The following MTARC2 variants were observed in gnomAD, a reference collection of about 807,000 sequenced individuals.
MTARC2 encodes MOCO sulphurase C-terminal domain containing 2.
In MTARC2, 27 loss-of-function variants were observed where a neutral mutation model predicts 35.6. The observed-to-expected ratio is 0.76, with a 90% CI of 0.56 to 1.04. The LOEUF (loss-of-function observed/expected upper bound fraction) is 1.04, where lower values mean the gene tolerates loss of function less well. MTARC2 is among the 50% of genes least tolerant of loss of function. The pLI, the probability that MTARC2 is intolerant of heterozygous loss-of-function variation, is 0.00. For synonymous variants in MTARC2, 158 were observed against 167.1 expected (o/e 0.95, Z 0.42); for missense variants, 412 against 432.5 (o/e 0.95, Z 0.42).
chr1:220,778,526 C>T (rs1357966583), intron 4 of MTARC2, among the ~76,000 whole-genome samples: 1 of 152,150 alleles, frequency 6.6e-6, no homozygotes, highest in African/African-American at 2.4e-5. Context: ...CATGAAAGAT[C>T]CACCCCCATG....
intron 4 of MTARC2, among the ~76,000 whole-genome samples, chr1:220,771,132 C>T (rs563830600): frequency 2.0e-5 from 3 of 152,222 alleles, no homozygotes; most frequent in East Asian, 1.9e-4. Context: ...AACCCCATCT[C>T]TATTAAAAAT....
chr1:220,753,041 T>C (rs35404077), intron 1 of MTARC2, among the ~76,000 whole-genome samples: 4,989 of 136,336 alleles, frequency 0.037, 133 homozygotes, highest in Middle Eastern at 0.06. Context: ...GGTGAAACCC[T>C]GTCTCTACTA....
chr1:220,755,132 G>T lies in MTARC2; in HGVS notation c.446+12G>T. The T allele has an allele frequency of 1.3e-6, 2 of 1,590,226 alleles. No homozygotes were observed. Among genetic ancestry groups the T allele is most frequent in the Non-Finnish European group, 1.7e-6 (2 of 1,168,968 alleles). On this transcript the variant is annotated intron_variant, in intron 2 of 7. Coordinates refer to ENST00000366913, the MANE Select transcript of MTARC2 (RefSeq NM_017898.5). ...CTCCACAACTGCAGGTGTTCCGCTT[G>T]GGGGCATCCACAGAACTGCAACAGG...
chr1:220,768,377 G>C (rs1464280956), intron 4 of MTARC2, among the ~76,000 whole-genome samples: 2 of 152,190 alleles, frequency 1.3e-5, no homozygotes, highest in African/African-American at 4.8e-5. Context: ...TGTGGGTCAT[G>C]GCTGAAAATG....
At position 220,780,046 on chromosome 1, in the gene MTARC2, G is replaced by A; in HGVS notation, c.779G>A (p.Ser260Asn). ...EDTWDELLIG[S>N]VEVKKVMACP... is the part of the protein sequence containing the mutation. ...ACCTGGGATGAACTCCTAATTGGTA[G>A]TGTAGAAGTGAAAAAGGTAATGGCA... is the stretch of plus-strand genomic sequence containing the variant. Residue 260 changes from serine (S) to asparagine (N), a missense_variant, in exon 5 of 8, where the codon AGT becomes AAT. By Grantham distance (46) the Ser-to-Asn change is conservative. Transcript: ENST00000366913. 6.5e-7 allele frequency: 1 copy of A among 1,546,542 alleles called. No homozygotes were observed. The highest frequency in any genetic ancestry group is 8.6e-7 in the Non-Finnish European group (1 of 1,156,594).
Position 220,762,800 on chromosome 1 carries a change from C to T in MTARC2, c.610-110C>T, listed in dbSNP as rs72472393. 3.3e-4 allele frequency: 377 copies of T among 1,147,566 alleles called. 3 individuals are homozygous for T. The African/African-American group carries it at 5.0e-3, about 15-fold the overall frequency. 71.1% of individuals were successfully genotyped at this position (1,147,566 alleles called of 1,614,324 possible). A position where few individuals can be genotyped will look rare whatever the true frequency, so the allele number is the denominator to read the frequency against. ...ATCTCTCTCCTTCCTGAACACTGCT[C>T]CCCTCTTCTGCACTGAAGAGGTTTT... On this transcript the variant is annotated intron_variant, in intron 3 of 7. Transcript: ENST00000366913.
At chr1:220,759,464 A>G (rs1474249906) in intron 2 of MTARC2, among the ~76,000 whole-genome samples, 4 of 150,718 alleles carry the variant, frequency 2.7e-5, no homozygotes, top group Admixed American at 6.7e-5. Flanking sequence ...GGGATGGGAG[A>G]CAGGGCTGGT....
intron 6 of MTARC2, among the ~76,000 whole-genome samples, 199 bp downstream of exon 6, chr1:220,780,438 A>G (rs1235434866): frequency 1.4e-5 from 2 of 147,550 alleles, no homozygotes; most frequent in Non-Finnish European, 3.0e-5. Context: ...TGGATCCTCT[A>G]GTGCTTTGGA....
At chr1:220,762,070 G>C (rs189202201) in intron 3 of MTARC2, among the ~76,000 whole-genome samples, 124 of 152,246 alleles carry the variant, frequency 8.1e-4, no homozygotes, top group Admixed American at 1.2e-3. Flanking sequence ...TATTGTGGAG[G>C]GGGGAGCCAG....
At chr1:220,774,703 T>C (rs1402315380) in intron 4 of MTARC2, among the ~76,000 whole-genome samples, 1 of 149,716 alleles carries the variant, frequency 6.7e-6, no homozygotes, top group Non-Finnish European at 1.5e-5. Flanking sequence ...ATGTCTTTCA[T>C]AGCCCATTGC....
chr1:220,749,777 T>A (rs1671083256), intron 1 of MTARC2, among the ~76,000 whole-genome samples: 1 of 152,122 alleles, frequency 6.6e-6, no homozygotes, highest in Non-Finnish European at 1.5e-5. Flanking sequence ...TGGGCCTGTG[T>A]CCGAGGGGAG....
intron 2 of MTARC2, among the ~76,000 whole-genome samples, chr1:220,760,237 G>T (rs1448750878): frequency 6.6e-6 from 1 of 152,230 alleles, no homozygotes; most frequent in Non-Finnish European, 1.5e-5. Flanking sequence ...AAAAATGCTG[G>T]TGTTGATAAA....
chr1:220,764,472 T>A (rs779470504), intron 4 of MTARC2, among the ~76,000 whole-genome samples: 8 of 152,146 alleles, frequency 5.3e-5, no homozygotes, highest in Non-Finnish European at 1.2e-4. Context: ...ATGTAGGCAC[T>A]CCGTATTATC....
At chr1:220,767,817 T>C (rs531478867) in intron 4 of MTARC2, among the ~76,000 whole-genome samples, 5 of 152,358 alleles carry the variant, frequency 3.3e-5, no homozygotes, top group Admixed American at 3.3e-4. Context: ...CAGCTGTGGT[T>C]GGACTCTGAG....
chr1:220,765,829 G>C (rs933061061), intron 4 of MTARC2, among the ~76,000 whole-genome samples: 1 of 152,176 alleles, frequency 6.6e-6, no homozygotes, highest in Admixed American at 6.5e-5. Flanking sequence ...CAATCTGCCT[G>C]TCTTGGCTTC....
chr1:220,752,567 C>A (rs544967323), intron 1 of MTARC2, among the ~76,000 whole-genome samples: 20 of 152,200 alleles, frequency 1.3e-4, no homozygotes, highest in Non-Finnish European at 2.5e-4. Context: ...TTTGACCAGG[C>A]AGGATGGCTC....
chr1:220,770,352 C>T lies in MTARC2; in HGVS notation c.750+7302C>T, dbSNP rs373458707. ...CCATTGAGTTGTGTTTATCAGGTCT[C>T]ATCCACTTCTAAATATGTTACATTT... On this transcript the variant is annotated intron_variant, in intron 4 of 7. Transcript: ENST00000366913. The T allele has an allele frequency of 9.2e-6, 9 of 982,332 alleles. No individual in the cohort carries two copies. In the African/African-American group the frequency reaches 1.1e-4, roughly 11 times the overall value. 60.9% of individuals were successfully genotyped at this position (982,332 alleles called of 1,614,324 possible).
At chr1:220,774,458 A>T (rs1240308232) in intron 4 of MTARC2, among the ~76,000 whole-genome samples, 1 of 152,192 alleles carries the variant, frequency 6.6e-6, no homozygotes, top group Non-Finnish European at 1.5e-5. Context: ...TATTCCCTCG[A>T]CTTATCACAA....
intron 4 of MTARC2, among the ~76,000 whole-genome samples, chr1:220,768,565 T>G (rs1277925346): frequency 6.6e-6 from 1 of 152,188 alleles, no homozygotes; most frequent in South Asian, 2.1e-4. Context: ...TACACAACTC[T>G]GCCACCTTGT....
Sources: gnomAD v4.1 joint callset for allele counts (sites outside exome capture counted in the v4.1 genomes callset) on GRCh38, gnomAD v4.1.1 for gene constraint, MANE v1.5 for transcripts, NCBI Gene and HGNC (gene_info 2026-07-23, HGNC 2026-07-21) for gene names.